The following FDFT1 variants were observed in gnomAD, a reference collection of about 807,000 sequenced individuals.
FDFT1 encodes the protein farnesyl-diphosphate farnesyltransferase 1, also known as squalene synthase.
FDFT1 carries 68 observed loss-of-function variants against 46.8 expected under a neutral mutation model. The ratio of observed to expected loss-of-function variants is 1.45; its 90% CI spans 1.19 to 1.78. The LOEUF (loss-of-function observed/expected upper bound fraction) is 1.78, where lower values mean the gene tolerates loss of function less well. FDFT1 is among the 40% of genes most tolerant of loss of function. The probability of loss-of-function intolerance (pLI) is 0.00; values close to 1 mark genes in which losing one functional copy is unlikely to be tolerated. For synonymous variants in FDFT1, 351 were observed against 185.1 expected, an observed-to-expected ratio of 1.90 and a Z score of -7.28; for missense variants, 928 against 524.4, an observed-to-expected ratio of 1.77 and a Z score of -7.52.
chr8:11,835,357 A>AG (rs1315041082), intron 7 of FDFT1, among the ~76,000 whole-genome samples: 1 of 152,178 alleles, frequency 6.6e-6, no homozygotes, highest in Non-Finnish European at 1.5e-5. Flanking sequence ...GCTCTGTTTT[A>AG]GGTAAGTCCA....
At chr8:11,832,590 G>C (rs559678038) in intron 7 of FDFT1, among the ~76,000 whole-genome samples, 6 of 96,384 alleles carry the variant, frequency 6.2e-5, no homozygotes, top group Admixed American at 2.6e-4. Context: ...TTAGAGACCA[G>C]AAGTCTTTGT....
At chr8:11,812,017 G>C (rs1040105241) in intron 3 of FDFT1, among the ~76,000 whole-genome samples, 5 of 152,186 alleles carry the variant, frequency 3.3e-5, no homozygotes, top group East Asian at 3.8e-4. Flanking sequence ...TTTTGGCTAA[G>C]AGGTCCCAGG....
At chr8:11,830,459 AG>A (rs761245301) in intron 6 of FDFT1, 39 bp downstream of exon 6, 31 of 1,463,792 alleles carry the variant, frequency 2.1e-5, no homozygotes, top group Non-Finnish European at 3.0e-5. Flanking sequence ...ACGGGGCTAA[AG>A]GGAGTGGGGT....
chr8:11,802,273 G>T (rs983889866), upstream of FDFT1: 26 of 382,612 alleles, frequency 6.8e-5, no homozygotes, highest in African/African-American at 5.5e-4. Context: ...ACAGAGAGCG[G>T]CTGCAGAGCT....
intron 7 of FDFT1, 138 bp downstream of exon 7, chr8:11,831,808 C>T: frequency 1.3e-6 from 1 of 746,994 alleles, no homozygotes; most frequent in Non-Finnish European, 2.2e-6. Flanking sequence ...AATTGATATC[C>T]TTTATAAGGA....
At chr8:11,796,292 G>T (rs747243566) in intron 1 of FDFT1, among the ~76,000 whole-genome samples, 3 of 152,328 alleles carry the variant, frequency 2.0e-5, no homozygotes, top group Non-Finnish European at 2.9e-5. Context: ...TTCTAGGACT[G>T]ATCTGATTAC....
upstream of FDFT1, chr8:11,797,986 G>A (rs1052509095): frequency 7.2e-5 from 11 of 152,282 alleles, no homozygotes; most frequent in African/African-American, 1.2e-4. Context: ...TTCTATGCCA[G>A]AAGGCTTGAT....
At chr8:11,838,325 G>T (rs1811822009) in intron 7 of FDFT1, 63 bp from the exon 8 acceptor site, 3 of 1,296,502 alleles carry the variant, frequency 2.3e-6, no homozygotes, top group East Asian at 2.3e-5. Flanking sequence ...GAGGGTTGTT[G>T]TAAGTAGCCA....
At chr8:11,821,146 TCCCAAAAACTTAAA>T (rs1702245817) in intron 3 of FDFT1, among the ~76,000 whole-genome samples, 1 of 152,228 alleles carries the variant, frequency 6.6e-6, no homozygotes, top group African/African-American at 2.4e-5. Flanking sequence ...CAAGCTGTTC[TCCCAAAAACTTAAA>T]CCCAGCTTTA....
chr8:11,799,573 C>T (rs1805894815), upstream of FDFT1, among the ~76,000 whole-genome samples: 2 of 152,184 alleles, frequency 1.3e-5, no homozygotes, highest in South Asian at 4.1e-4. Context: ...GTATGAACTC[C>T]AAAAGGAAGG....
Position 11,830,399 on chromosome 8 carries a change from T to C in FDFT1, c.858T>C (p.Phe286=). 6.2e-7 allele frequency: 1 copy of C among 1,613,560 alleles called. No individual in the cohort carries two copies. Among genetic ancestry groups the C allele is most frequent in the Non-Finnish European group, 8.5e-7 (1 of 1,179,684 alleles). Residue 286 remains phenylalanine, a synonymous_variant, in exon 6 of 8, where the codon TTT becomes TTC. Coordinates refer to ENST00000220584, the MANE Select transcript of FDFT1 (RefSeq NM_004462.5). The part of the protein sequence containing the change: ...YLSRLRNQSV[F]NFCAIPQVMA... ...CGAGACTCAGAAACCAGAGTGTGTT[T>C]AACTTCTGTGCTATTCCACAGGTAG...
Position 11,838,412 on chromosome 8 carries a change from G to C in FDFT1, c.1057G>C (p.Asp353His). Residue 353 changes from aspartate (D) to histidine (H), a missense_variant, in exon 8 of 8, where the codon GAC becomes CAC. Coordinates refer to ENST00000220584, the MANE Select transcript of FDFT1 (RefSeq NM_004462.5). ...EEIYHRIPDS[D>H]PSSSKTRQII... ...GATTTATCATAGAATCCCCGACTCAGACCCATCTTCTAGCAAAACAAGGCA... is the reference window on the plus strand; with the variant it reads ...GATTTATCATAGAATCCCCGACTCACACCCATCTTCTAGCAAAACAAGGCA... The C allele has an allele frequency of 3.7e-6, 6 of 1,613,740 alleles. No individual in the cohort carries two copies. The highest frequency in any genetic ancestry group is 2.2e-5 in the East Asian group (1 of 44,868).
rs764228366 is a variant in FDFT1 at position 11,831,690 on chromosome 8, C to G, written c.1032+20C>G. On this transcript the variant is annotated intron_variant, in intron 7 of 7. Transcript: ENST00000220584. ...GAAGAGGTGGGTTTTTATTTAACTA[C>G]TTGGATAATTTGTAGCTACTTTTAT... 1.3e-6 allele frequency: 2 copies of G among 1,594,510 alleles called. No individual in the cohort carries two copies. The highest frequency in any genetic ancestry group is 1.7e-5 in the Admixed American group (1 of 59,938).
rs1811880858 is a variant in FDFT1 at position 11,838,563 on chromosome 8, C to T, written c.1208C>T (p.Thr403Ile). ...LAALSWQYLT[T>I]LSQVTEDYVQ... Reference sequence around the variant, plus strand: ...GCCCTGAGCTGGCAGTACCTGACCACTCTCTCCCAGGTAACAGAAGACTAT... The same window carrying T: ...GCCCTGAGCTGGCAGTACCTGACCATTCTCTCCCAGGTAACAGAAGACTAT... Residue 403 changes from threonine (T) to isoleucine (I), a missense_variant, in exon 8 of 8, where the codon ACT (threonine) becomes ATT (isoleucine). Physicochemically the swap from Thr to Ile is moderately conservative, Grantham distance 89. Coordinates refer to ENST00000220584, the MANE Select transcript of FDFT1 (RefSeq NM_004462.5). The T allele has an allele frequency of 1.2e-6, 2 of 1,613,812 alleles. No homozygotes were observed. The highest frequency in any genetic ancestry group is 1.7e-6 in the Non-Finnish European group (2 of 1,179,890).
intron 1 of FDFT1, among the ~76,000 whole-genome samples, chr8:11,807,432 GGATTATAGGCGT>G (rs1271075326): frequency 5.3e-5 from 8 of 152,168 alleles, no homozygotes; most frequent in African/African-American, 1.7e-4. Context: ...CGAAGTGCAG[GGATTATAGGCGT>G]GCGCCACTGC....
At chr8:11,819,307 A>T (rs1014319210) in intron 3 of FDFT1, among the ~76,000 whole-genome samples, 4 of 152,112 alleles carry the variant, frequency 2.6e-5, no homozygotes, top group Non-Finnish European at 5.9e-5. Flanking sequence ...AACGTTGGTG[A>T]ATCTGACAAT....
intron 1 of FDFT1, among the ~76,000 whole-genome samples, chr8:11,804,020 T>A (rs975703713): frequency 2.6e-5 from 4 of 152,258 alleles, no homozygotes; most frequent in African/African-American, 9.6e-5. Context: ...TATATTTAGA[T>A]ATAGCATTCA....
At chr8:11,833,420 A>G (rs1811129510) in intron 7 of FDFT1, among the ~76,000 whole-genome samples, 1 of 152,148 alleles carries the variant, frequency 6.6e-6, no homozygotes, top group African/African-American at 2.4e-5. Context: ...CTATTTATTC[A>G]TTTTATATAA....
chr8:11,835,267 C>G (rs1173251644), intron 7 of FDFT1, among the ~76,000 whole-genome samples: 1 of 152,146 alleles, frequency 6.6e-6, no homozygotes, highest in African/African-American at 2.4e-5. Context: ...TTGCAGAAAC[C>G]TACTGTGTGC....
Sources: gnomAD v4.1 joint callset for allele counts (sites outside exome capture counted in the v4.1 genomes callset) on GRCh38, gnomAD v4.1.1 for gene constraint, MANE v1.5 for transcripts, NCBI Gene and HGNC (gene_info 2026-07-23, HGNC 2026-07-21) for gene names.